Variants in UPRT observed in about 807,000 individuals in gnomAD.
The protein encoded by UPRT is RP11-311P8.3.
In UPRT, 5 loss-of-function variants were observed where a neutral mutation model predicts 22.6. The observed-to-expected ratio is 0.22, with a 90% CI of 0.12 to 0.47. The LOEUF is 0.47. UPRT is among the 20% of genes least tolerant of loss of function. The probability of loss-of-function intolerance (pLI) is 0.99; values close to 1 mark genes in which losing one functional copy is unlikely to be tolerated. For synonymous variants in UPRT, 77 were observed against 87.7 expected (o/e 0.88, Z 0.68); for missense variants, 181 against 239.9 (o/e 0.75, Z 1.62).
At chrX:75,274,030 G>A (rs2082620324), upstream of UPRT, 1 of 405,307 alleles carries the variant, frequency 2.5e-6, no homozygotes, top group East Asian at 4.1e-5. Flanking sequence ...GGCGGGGAGT[G>A]CAGCCAATAG....
intron 1 of UPRT, among the ~76,000 whole-genome samples, chrX:75,276,115 C>A (rs914538087): frequency 8.9e-6 from 1 of 111,742 alleles, no homozygotes; most frequent in East Asian, 2.8e-4. Flanking sequence ...CCTTTATGTA[C>A]GTTCAGGATA....
At chrX:75,185,050 A>G (rs1254511873) in intron 4 of UPRT, among the ~76,000 whole-genome samples, 1 of 111,321 alleles carries the variant, frequency 9.0e-6, no homozygotes, top group Non-Finnish European at 1.9e-5. Context: ...AGAACTTCCA[A>G]CACTATATTG....
In UPRT at chrX:75,184,642, T is replaced by C. The variant is rs762510720; in HGVS notation, c.-447+16763T>C. 9.4e-3 allele frequency among the ~76,000 whole-genome samples: 1,020 copies of C among 107,961 alleles called. 14 individuals are homozygous for C. The highest frequency in any genetic ancestry group is 0.032 in the African/African-American group (946 of 29,509). 93.8% of individuals were successfully genotyped at this position (107,961 alleles called of 115,157 possible). A position where few individuals can be genotyped will look rare whatever the true frequency, so the allele number is the denominator to read the frequency against. ...GTATGGCCATTTTCACGATATTGATTCTTCCTACCCATGAGCATGGAATGT... is the reference window on the plus strand; with the variant it reads ...GTATGGCCATTTTCACGATATTGATCCTTCCTACCCATGAGCATGGAATGT... On this transcript the variant is annotated intron_variant, in intron 4 of 13. Coordinates refer to the UPRT transcript ENST00000652605.
Position 75,240,380 on chromosome X carries a change from A to G in UPRT, c.-446-50644A>G, listed in dbSNP as rs1478893605. Among the ~76,000 whole-genome samples, 3 of 111,823 alleles carry G rather than the reference A, an allele frequency of 2.7e-5. No homozygotes were observed. The East Asian group carries it at 8.4e-4, about 31-fold the overall frequency. ...AAAAACAAAAACAAAGCCCTTAGGAATATACCTAACCAAAGAGGTAAAATA... is the reference window on the plus strand; with the variant it reads ...AAAAACAAAAACAAAGCCCTTAGGAGTATACCTAACCAAAGAGGTAAAATA... On this transcript the variant is annotated intron_variant, in intron 4 of 13. Transcript: ENST00000652605.
intron 4 of UPRT, among the ~76,000 whole-genome samples, chrX:75,258,526 G>A (rs1412094024): frequency 9.0e-6 from 1 of 111,517 alleles, no homozygotes; most frequent in Non-Finnish European, 1.9e-5. Flanking sequence ...ACTGGGTGGA[G>A]CCAATGGCAG....
Position 75,250,924 on chromosome X carries a change from C to T in UPRT, c.-446-40100C>T, listed in dbSNP as rs188483549. ...AGTTCAACATATGCAAATCAATAAACGTAATCCAGCATATAAACGGAACCA... is the reference window on the plus strand; with the variant it reads ...AGTTCAACATATGCAAATCAATAAATGTAATCCAGCATATAAACGGAACCA... On this transcript the variant is annotated intron_variant, in intron 4 of 13. Transcript: ENST00000652605. Among the ~76,000 whole-genome samples the T allele has an allele frequency of 9.2e-4, 103 of 111,670 alleles. 1 individual carries two copies. The highest frequency in any genetic ancestry group is 2.7e-3 in the Admixed American group (28 of 10,489).
At chrX:75,233,154 G>T (rs1458237604) in intron 4 of UPRT, among the ~76,000 whole-genome samples, 1 of 111,606 alleles carries the variant, frequency 9.0e-6, no homozygotes, top group Non-Finnish European at 1.9e-5. Flanking sequence ...AGCCCCAGGA[G>T]CCGATGCGAT....
intron 4 of UPRT, among the ~76,000 whole-genome samples, chrX:75,235,325 C>T (rs1466249977): frequency 9.0e-6 from 1 of 111,432 alleles, no homozygotes; most frequent in Non-Finnish European, 1.9e-5. Context: ...AGTCCAGGAC[C>T]AGATGGATTC....
chrX:75,159,770 A>ATT (rs35651743), intron 1 of UPRT, among the ~76,000 whole-genome samples: 36 of 46,294 alleles, frequency 7.8e-4, no homozygotes, highest in African/African-American at 1.9e-3. Flanking sequence ...CTTGCCTTAA[A>ATT]TTTTTTTTTT....
chrX:75,179,017 T>C (rs1432382314), intron 4 of UPRT, among the ~76,000 whole-genome samples: 1 of 111,379 alleles, frequency 9.0e-6, no homozygotes. Context: ...TCCACATCCT[T>C]TTCAGATTAG....
Position 75,250,629 on chromosome X carries a change from G to C in UPRT, c.-446-40395G>C, listed in dbSNP as rs2082525747. ...GGATTCACAGCCGAATTCTACCAGA[G>C]GTACAAGGAGGAGCTGGTACCATTC... On this transcript the variant is annotated intron_variant, in intron 4 of 13. Coordinates refer to the UPRT transcript ENST00000652605. Among the ~76,000 whole-genome samples the C allele has an allele frequency of 3.6e-5, 4 of 110,956 alleles. No homozygotes were observed. In the South Asian group the frequency reaches 1.5e-3, roughly 42 times the overall value.
Position 75,304,379 on chromosome X carries a change from C to A in UPRT, c.*868C>A, listed in dbSNP as rs2082755430. 1.8e-5 allele frequency: 2 copies of A among 110,812 alleles called. No individual in the cohort carries two copies. The highest frequency in any genetic ancestry group is 3.8e-5 in the Non-Finnish European group (2 of 52,981). 9.1% of individuals were successfully genotyped at this position (110,812 alleles called of 1,213,427 possible). A position where few individuals can be genotyped will look rare whatever the true frequency, so the allele number is the denominator to read the frequency against. On this transcript the variant is annotated 3_prime_UTR_variant, in exon 7 of 7. Coordinates refer to ENST00000373383, the MANE Select transcript of UPRT (RefSeq NM_145052.4). ...TTAATTTGGATGTTTCTGCTAGAGA[C>A]CTTTGATTTGGAAATTAGTTATTTT...
chrX:75,261,089 G>A (rs1490191131), intron 4 of UPRT, among the ~76,000 whole-genome samples: 2 of 111,848 alleles, frequency 1.8e-5, no homozygotes, highest in Non-Finnish European at 3.8e-5. Flanking sequence ...GAATCTCTGG[G>A]ACACATTTAA....
chrX:75,163,013 C>G, intron 2 of UPRT, among the ~76,000 whole-genome samples: 1 of 112,124 alleles, frequency 8.9e-6, no homozygotes, highest in East Asian at 2.8e-4. Flanking sequence ...GTTGCATTCT[C>G]TGCTCCAGAG....
chrX:75,180,134 C>T (rs1260418947), intron 4 of UPRT, among the ~76,000 whole-genome samples: 32 of 112,537 alleles, frequency 2.8e-4, no homozygotes, highest in African/African-American at 9.0e-4. Context: ...ATGCCCTTCC[C>T]CGAGTTCTGG....
chrX:75,223,217 A>C (rs1321982259), intron 4 of UPRT, among the ~76,000 whole-genome samples: 1 of 109,542 alleles, frequency 9.1e-6, no homozygotes, highest in Non-Finnish European at 1.9e-5. Context: ...CCAAGTTGCA[A>C]GGCAAAATCC....
At chrX:75,240,185 T>A (rs773396974) in intron 4 of UPRT, among the ~76,000 whole-genome samples, 1 of 110,908 alleles carries the variant, frequency 9.0e-6, no homozygotes, top group African/African-American at 3.3e-5. Context: ...CATGATCATA[T>A]ATCTGAAAAC....
chrX:75,285,172 T>A (rs1346073729), intron 1 of UPRT, among the ~76,000 whole-genome samples: 2 of 111,201 alleles, frequency 1.8e-5, no homozygotes, highest in Non-Finnish European at 3.8e-5. Context: ...GCCCCAAGTC[T>A]GTTTCCAGGC....
intron 4 of UPRT, among the ~76,000 whole-genome samples, chrX:75,246,265 C>T (rs972444276): frequency 8.8e-5 from 7 of 79,706 alleles, no homozygotes; most frequent in Admixed American, 4.8e-4. Flanking sequence ...TCCCCCCACC[C>T]CACGACAGGC....
Sources: allele counts gnomAD v4.1 joint callset (sites outside exome capture counted in the v4.1 genomes callset), GRCh38; gene constraint gnomAD v4.1.1; transcripts MANE v1.5; gene names NCBI Gene and HGNC (gene_info 2026-07-23, HGNC 2026-07-21).